The following CNTNAP3B variants were observed in gnomAD, a reference collection of about 807,000 sequenced individuals.
The protein encoded by CNTNAP3B is contactin-associated protein-like 3B.
A neutral mutation model predicts 108.9 loss-of-function variants in CNTNAP3B; 25 were observed. The observed-to-expected ratio is 0.23, with a 90% confidence interval of 0.17 to 0.32. The LOEUF (loss-of-function observed/expected upper bound fraction) is 0.32, where lower values mean the gene tolerates loss of function less well. CNTNAP3B is among the 10% of genes least tolerant of loss of function. The probability of loss-of-function intolerance (pLI) is 1.00; values close to 1 mark genes in which losing one functional copy is unlikely to be tolerated. For synonymous variants in CNTNAP3B, 103 were observed against 473.4 expected (o/e 0.22, Z 10.16); for missense variants, 252 against 1,210.4 (o/e 0.21, Z 11.75).
intron 15 of CNTNAP3B, among the ~76,000 whole-genome samples, chr9:41,928,433 C>T (rs1206567601): frequency 3.9e-5 from 6 of 151,914 alleles, no homozygotes; most frequent in Admixed American, 3.9e-4. Context: ...AGCCGGTCCC[C>T]GCCCTCTCTG....
intron 2 of CNTNAP3B, among the ~76,000 whole-genome samples, chr9:42,089,569 T>A (rs1398412670): frequency 6.8e-6 from 1 of 146,792 alleles, no homozygotes; most frequent in Non-Finnish European, 1.5e-5. Flanking sequence ...TACTTTCTAA[T>A]GTGGGAAATA....
chr9:42,121,824 A>G (rs1828469756), intron 1 of CNTNAP3B, among the ~76,000 whole-genome samples: 1 of 140,660 alleles, frequency 7.1e-6, no homozygotes. Flanking sequence ...ACTGTGAAGA[A>G]CCGTGAGGAG....
chr9:42,055,314 T>TA (rs1827044693), intron 3 of CNTNAP3B, among the ~76,000 whole-genome samples: 1 of 136,406 alleles, frequency 7.3e-6, no homozygotes, highest in African/African-American at 2.9e-5. Context: ...TATACATATA[T>TA]TCATTGTGGG....
At chr9:41,933,227 G>A (rs1414281840) in intron 14 of CNTNAP3B, among the ~76,000 whole-genome samples, 16 of 125,638 alleles carry the variant, frequency 1.3e-4, no homozygotes, top group African/African-American at 4.8e-4. Flanking sequence ...TTTTTGTCAT[G>A]GGGGGGGCTG....
intron 12 of CNTNAP3B, among the ~76,000 whole-genome samples, chr9:41,954,768 C>G (rs1183876339): frequency 1.3e-5 from 2 of 152,276 alleles, no homozygotes; most frequent in African/African-American, 4.8e-5. Flanking sequence ...ACTGCAGCCT[C>G]TGCCTCCTGG....
At chr9:41,942,440 A>C (rs1241918012) in intron 13 of CNTNAP3B, among the ~76,000 whole-genome samples, 1,673 of 151,570 alleles carry the variant, frequency 0.011, no homozygotes, top group Non-Finnish European at 0.016. Context: ...GAAACCCCGT[A>C]TCTACTAAAA....
intron 12 of CNTNAP3B, among the ~76,000 whole-genome samples, chr9:41,955,510 C>A (rs1303750226): frequency 3.9e-5 from 6 of 152,410 alleles, no homozygotes; most frequent in African/African-American, 1.4e-4. Flanking sequence ...TAAAGAGCAT[C>A]TAATATAACC....
chr9:41,937,046 T>C (rs542752051), intron 14 of CNTNAP3B, among the ~76,000 whole-genome samples: 419 of 151,104 alleles, frequency 2.8e-3, no homozygotes, highest in Middle Eastern at 0.014. Flanking sequence ...ACTGCTTAGA[T>C]TAGCTATTTT....
intron 1 of CNTNAP3B, among the ~76,000 whole-genome samples, chr9:42,110,230 C>A: frequency 1.5e-5 from 2 of 134,616 alleles, no homozygotes; most frequent in Middle Eastern, 3.6e-3. Flanking sequence ...TTTAACATCC[C>A]TTTGAATCGC....
intron 15 of CNTNAP3B, among the ~76,000 whole-genome samples, chr9:41,926,159 A>G (rs1449880295): frequency 1.3e-5 from 2 of 152,278 alleles, no homozygotes; most frequent in Non-Finnish European, 2.9e-5. Context: ...GGTTCATTAC[A>G]GTCTTCCTCC....
rs1444165116 is a variant in CNTNAP3B, at chr9:42,080,167, A to T, written c.197-3105T>A. On this transcript the variant is annotated intron_variant, in intron 2 of 23. Coordinates refer to ENST00000377561, the MANE Select transcript of CNTNAP3B (RefSeq NM_001201380.3). ...GATGGTGTGTTTTCATTAGATGAAG[A>T]GGGAGCCACTAGCCATCCCTCTTCT... Among the ~76,000 whole-genome samples, 3 of 137,084 alleles carry T rather than the reference A, an allele frequency of 2.2e-5. 1 individual carries two copies. The highest frequency in any genetic ancestry group is 8.8e-5 in the African/African-American group (3 of 34,230). 89.9% of individuals were successfully genotyped at this position (137,084 alleles called of 152,430 possible). A position where few individuals can be genotyped will look rare whatever the true frequency, so the allele number is the denominator to read the frequency against.
intron 11 of CNTNAP3B, among the ~76,000 whole-genome samples, chr9:41,961,972 C>G (rs888264009): frequency 1.3e-5 from 2 of 152,408 alleles, no homozygotes; most frequent in South Asian, 4.1e-4. Context: ...AGGATTCACT[C>G]AAATTAATAA....
chr9:41,964,566 T>G lies in CNTNAP3B; in HGVS notation c.1728A>C (p.Thr576=), dbSNP rs1334170110. 6.5e-7 allele frequency: 1 copy of G among 1,549,648 alleles called. No homozygotes were observed. Among genetic ancestry groups the G allele is most frequent in the South Asian group, 1.2e-5 (1 of 83,200 alleles). Reference sequence around the variant, plus strand: ...AATGGCAGGTCTCGCCCGTATAGCCTGTGCCTAGACAGTCACAGGAGAAGG... The same window carrying G: ...AATGGCAGGTCTCGCCCGTATAGCCGGTGCCTAGACAGTCACAGGAGAAGG... ...WDTFSCDCLG[T]GYTGETCHSS... Residue 576 remains threonine, a synonymous_variant, in exon 11 of 24, where the codon ACA becomes ACC. Transcript: ENST00000377561.
intron 12 of CNTNAP3B, among the ~76,000 whole-genome samples, chr9:41,955,958 T>G (rs1332724093): frequency 6.6e-6 from 1 of 152,224 alleles, no homozygotes; most frequent in Non-Finnish European, 1.5e-5. Context: ...CCAGCCTAAC[T>G]TAAATGTGCT....
At chr9:41,938,636 A>G (rs1227076923) in intron 13 of CNTNAP3B, among the ~76,000 whole-genome samples, 1 of 152,298 alleles carries the variant, frequency 6.6e-6, no homozygotes, top group Non-Finnish European at 1.5e-5. Flanking sequence ...TTTTTCTTCT[A>G]TTAGAAATCA....
In CNTNAP3B at chr9:41,996,286, A is replaced by T. The variant is rs950353225; in HGVS notation, c.990T>A (p.His330Gln). The T allele has an allele frequency of 1.3e-6, 2 of 1,540,152 alleles. No homozygotes were observed. Among genetic ancestry groups the T allele is most frequent in the African/African-American group, 3.2e-5 (2 of 63,318 alleles). The change falls in exon 7 of 24, where the codon CAT becomes CAA. Residue 330 changes from histidine to glutamine, a missense_variant. Transcript: ENST00000377561. ...RSRAFTRKSF[H>Q]GCLENLYYNG... ...TATAATAAAGATTTTCTAAACACCC[A>T]TGAAAGCTTTTACGTGTGAATGCCC...
chr9:41,958,104 C>A lies in CNTNAP3B; in HGVS notation c.1876+2669G>T, dbSNP rs865809794. ...TTCAAAGTGTGTTTTTTGCCTTGAA[C>A]TTTTTTCTTTTTCTTTTTTTGGAGA... is the stretch of plus-strand genomic sequence containing the variant. On this transcript the variant is annotated intron_variant, in intron 12 of 23. Transcript: ENST00000377561. Among the ~76,000 whole-genome samples the A allele has an allele frequency of 3.9e-5, 6 of 152,294 alleles. No individual in the cohort carries two copies. In the South Asian group the frequency reaches 6.2e-4, roughly 16 times the overall value.
At chr9:42,035,731 C>A (rs566802932) in intron 3 of CNTNAP3B, among the ~76,000 whole-genome samples, 15 of 151,190 alleles carry the variant, frequency 9.9e-5, no homozygotes, top group African/African-American at 2.9e-4. Context: ...AATCATACCT[C>A]AGTGCAGCTT....
At chr9:41,950,968 G>A (rs1824660338) in intron 13 of CNTNAP3B, among the ~76,000 whole-genome samples, 1 of 139,134 alleles carries the variant, frequency 7.2e-6, no homozygotes, top group South Asian at 2.3e-4. Context: ...TGTTAGCCAG[G>A]ATGGTCTGAT....
Sources: allele counts gnomAD v4.1 joint callset (sites outside exome capture counted in the v4.1 genomes callset), GRCh38; gene constraint gnomAD v4.1.1; transcripts MANE v1.5; gene names NCBI Gene and HGNC (gene_info 2026-07-23, HGNC 2026-07-21).